The following MAL variants were observed in gnomAD, a reference collection of about 807,000 sequenced individuals.
The protein encoded by MAL is mal, T cell differentiation protein (MAL blood group).
A neutral mutation model predicts 16.7 loss-of-function variants in MAL; 5 were observed. That is an observed-to-expected ratio of 0.30 (90% CI 0.16 to 0.63). The LOEUF is 0.63. MAL is among the 30% of genes least tolerant of loss of function. MAL has a pLI of 0.82. For synonymous variants in MAL, 96 were observed against 85.5 expected (o/e 1.12, Z -0.67); for missense variants, 202 against 195.8 (o/e 1.03, Z -0.19).
chr2:95,051,901 A>T (rs2104364256), intron 3 of MAL: 1 of 152,226 alleles, frequency 6.6e-6, no homozygotes, highest in East Asian at 1.9e-4. Context: ...TCAATCCCAG[A>T]CCCGCCCAAC....
In MAL at chr2:95,031,240, T is replaced by C. The variant is rs141330601; in HGVS notation, c.93+5355T>C. The stretch of plus-strand genomic sequence containing the variant: ...CCTAATCAGCCACACGAGATTTTGC[T>C]TGCACTAGAAGGCACACTGGGATCC... On this transcript the variant is annotated intron_variant, in intron 1 of 3. Transcript: ENST00000309988. 7.2e-5 allele frequency among the ~76,000 whole-genome samples: 11 copies of C among 152,232 alleles called. No individual in the cohort carries two copies. The East Asian group carries it at 2.1e-3, about 29-fold the overall frequency.
chr2:95,036,857 G>C (rs149009378), intron 1 of MAL, among the ~76,000 whole-genome samples: 28 of 151,650 alleles, frequency 1.8e-4, no homozygotes, highest in African/African-American at 6.3e-4. Context: ...GAGTGAGTGA[G>C]TGAGTGACTG....
chr2:95,035,949 G>A (rs1233662198), intron 1 of MAL, among the ~76,000 whole-genome samples: 3 of 152,158 alleles, frequency 2.0e-5, no homozygotes, highest in Non-Finnish European at 4.4e-5. Flanking sequence ...GATTACAGGC[G>A]TGAGCCACCG....
At chr2:95,041,930 C>T (rs1411434203) in intron 1 of MAL, among the ~76,000 whole-genome samples, 1 of 152,106 alleles carries the variant, frequency 6.6e-6, no homozygotes, top group East Asian at 1.9e-4. Flanking sequence ...CTCTGCTAAC[C>T]CCCCGACAAC....
At chr2:95,047,624 G>A (rs571939100) in intron 1 of MAL, among the ~76,000 whole-genome samples, 213 of 152,288 alleles carry the variant, frequency 1.4e-3, no homozygotes, top group Non-Finnish European at 2.2e-3. Context: ...AGGAAGCTGA[G>A]GCATGAGAAT....
intron 2 of MAL, 139 bp from the exon 3 acceptor site, chr2:95,049,442 C>G: frequency 8.9e-7 from 1 of 1,120,728 alleles, no homozygotes; most frequent in Non-Finnish European, 1.3e-6. Flanking sequence ...GGCATGGGAC[C>G]TCCGTGACAA....
intron 1 of MAL, among the ~76,000 whole-genome samples, chr2:95,035,666 G>A (rs1317768325): frequency 6.1e-5 from 9 of 146,756 alleles, no homozygotes; most frequent in African/African-American, 2.0e-4. Context: ...TCAGCTCTTA[G>A]ATTTTTTTTT....
At chr2:95,032,731 T>G (rs1465815073) in intron 1 of MAL, among the ~76,000 whole-genome samples, 1 of 152,062 alleles carries the variant, frequency 6.6e-6, no homozygotes, top group African/African-American at 2.4e-5. Flanking sequence ...GACACCCTGG[T>G]GAAAGGTTTG....
At chr2:95,032,415 G>T (rs549192468) in intron 1 of MAL, among the ~76,000 whole-genome samples, 1 of 152,340 alleles carries the variant, frequency 6.6e-6, no homozygotes, top group Admixed American at 6.5e-5. Context: ...ACTAGAAGGG[G>T]CTGGGGGCTG....
chr2:95,040,159 A>C (rs989198242), intron 1 of MAL, among the ~76,000 whole-genome samples: 1 of 152,170 alleles, frequency 6.6e-6, no homozygotes, highest in African/African-American at 2.4e-5. Flanking sequence ...TCACATGCAC[A>C]CACATGCATG....
chr2:95,038,831 A>G, intron 1 of MAL, among the ~76,000 whole-genome samples: 1 of 147,140 alleles, frequency 6.8e-6, no homozygotes, highest in African/African-American at 2.5e-5. Flanking sequence ...TGAGTGAGTG[A>G]GCAAGTGAGT....
chr2:95,051,927 CCAGGGGATACTTGGGTA>C (rs1238206107), intron 3 of MAL: 4 of 152,242 alleles, frequency 2.6e-5, no homozygotes, highest in Admixed American at 2.0e-4. Flanking sequence ...CATGCCCAGT[CCAGGGGATACTTGGGTA>C]CAGGGAGGCA....
At chr2:95,029,671 C>G (rs540023168) in intron 1 of MAL, among the ~76,000 whole-genome samples, 1 of 152,238 alleles carries the variant, frequency 6.6e-6, no homozygotes, top group African/African-American at 2.4e-5. Flanking sequence ...ATCACATTGC[C>G]GTCCAAAAGA....
intron 1 of MAL, among the ~76,000 whole-genome samples, chr2:95,043,983 C>A (rs1425967392): frequency 6.6e-6 from 1 of 152,152 alleles, no homozygotes; most frequent in Non-Finnish European, 1.5e-5. Context: ...GAACGTGGTT[C>A]CTCAGAGGCT....
rs117462708 is a variant in MAL at position 95,046,161 on chromosome 2, G to A, written c.94-1798G>A. Among the ~76,000 whole-genome samples, 305 of 152,312 alleles carry A rather than the reference G, an allele frequency of 2.0e-3. 5 individuals are homozygous for A. In the East Asian group the frequency reaches 0.041, roughly 21 times the overall value. On this transcript the variant is annotated intron_variant, in intron 1 of 3. Transcript: ENST00000309988. ...CTCAGAGAACACCTGTGAAGACAGC[G>A]GTATCTCTCACCCAGCAGGTGGGCA...
intron 1 of MAL, among the ~76,000 whole-genome samples, chr2:95,043,680 A>C (rs1674521389): frequency 6.6e-6 from 1 of 152,162 alleles, no homozygotes; most frequent in East Asian, 1.9e-4. Flanking sequence ...CCTAGCCGGG[A>C]ATGAAATCTC....
chr2:95,051,128 G>T (rs1038778708), intron 3 of MAL, among the ~76,000 whole-genome samples: 1 of 152,176 alleles, frequency 6.6e-6, no homozygotes, highest in East Asian at 1.9e-4. Context: ...ACCCCTTCCC[G>T]CTGGGCAGGT....
At chr2:95,045,437 A>G (rs1674564316) in intron 1 of MAL, among the ~76,000 whole-genome samples, 2 of 152,182 alleles carry the variant, frequency 1.3e-5, no homozygotes, top group Non-Finnish European at 1.5e-5. Flanking sequence ...GCATGGCTGG[A>G]TGGGTCTTCT....
chr2:95,027,949 A>T (rs1673983535), intron 1 of MAL, among the ~76,000 whole-genome samples: 3 of 152,216 alleles, frequency 2.0e-5, no homozygotes. Context: ...AAGAAGATAC[A>T]CAAATGGCCA....
Sources: allele counts gnomAD v4.1 joint callset (sites outside exome capture counted in the v4.1 genomes callset), GRCh38; gene constraint gnomAD v4.1.1; transcripts MANE v1.5; gene names NCBI Gene and HGNC (gene_info 2026-07-23, HGNC 2026-07-21).